RIOK1: variants seen among roughly 807,000 people sequenced by gnomAD.
RIOK1 encodes the protein RIO kinase 1.
In RIOK1, 66 loss-of-function variants were observed where a neutral mutation model predicts 73.5. The ratio of observed to expected loss-of-function variants is 0.90; its 90% CI spans 0.74 to 1.10. The LOEUF (loss-of-function observed/expected upper bound fraction) is 1.10. RIOK1 is among the 50% of genes least tolerant of loss of function. RIOK1 has a pLI of 0.00. For synonymous variants in RIOK1, 224 were observed against 226.8 expected (o/e 0.99, Z 0.11); for missense variants, 658 against 699.8 (o/e 0.94, Z 0.67).
chr6:7,414,941 G>T (rs558562566), intron 16 of RIOK1, among the ~76,000 whole-genome samples: 1 of 152,136 alleles, frequency 6.6e-6, no homozygotes, highest in African/African-American at 2.4e-5. Flanking sequence ...GTGGTCCAGC[G>T]TCTTCACACT....
intron 3 of RIOK1, among the ~76,000 whole-genome samples, chr6:7,396,172 C>T (rs182634829): frequency 1.3e-5 from 2 of 152,246 alleles, no homozygotes; most frequent in Non-Finnish European, 2.9e-5. Context: ...ATCATCATCT[C>T]ATAGAAAATG....
At position 7,401,012 on chromosome 6, in the gene RIOK1, A is replaced by T. The variant is rs1273234750; in HGVS notation, c.535A>T (p.Ile179Leu). Reference sequence around the variant, plus strand: ...ATTCAAGATGTTGACTAGAGGAATCATAACAGAGATAAATGGCTGCATTAG... The same window carrying T: ...ATTCAAGATGTTGACTAGAGGAATCTTAACAGAGATAAATGGCTGCATTAG... Reference protein sequence around the residue: ...ILFKMLTRGIITEINGCISTG... With the variant: ...ILFKMLTRGILTEINGCISTG... Residue 179 changes from isoleucine (I) to leucine (L), a missense_variant, in exon 6 of 17, where the codon ATA (isoleucine) becomes TTA (leucine). Transcript: ENST00000379834. 1.2e-6 allele frequency: 2 copies of T among 1,610,862 alleles called. No homozygotes were observed. Among genetic ancestry groups the T allele is most frequent in the Admixed American group, 3.3e-5 (2 of 59,822 alleles).
intron 16 of RIOK1, 69 bp from the exon 17 acceptor site, chr6:7,417,261 AC>A (rs1762029619): frequency 2.8e-6 from 3 of 1,062,816 alleles, no homozygotes; most frequent in Non-Finnish European, 1.4e-6. Flanking sequence ...AAAACAAAAA[AC>A]AAAAAACAAA....
At chr6:7,413,472 A>C (rs1581724254) in intron 15 of RIOK1, among the ~76,000 whole-genome samples, 1 of 152,364 alleles carries the variant, frequency 6.6e-6, no homozygotes, top group Non-Finnish European at 1.5e-5. Flanking sequence ...TCATAAAAGC[A>C]GTCTTTATTT....
chr6:7,413,542 A>G (rs1469947175), intron 15 of RIOK1, among the ~76,000 whole-genome samples: 1 of 152,230 alleles, frequency 6.6e-6, no homozygotes, highest in Non-Finnish European at 1.5e-5. Context: ...TCTTAAAATC[A>G]TGTCTTTTCT....
At chr6:7,398,762 A>G (rs1761541720) in intron 5 of RIOK1, 22 bp downstream of exon 5, 6 of 1,589,636 alleles carry the variant, frequency 3.8e-6, no homozygotes, top group Non-Finnish European at 5.2e-6. Flanking sequence ...ATGTGTTGCA[A>G]ACTCTTCTTT....
chr6:7,406,799 T>C (rs1040731523), intron 12 of RIOK1, among the ~76,000 whole-genome samples: 1 of 152,140 alleles, frequency 6.6e-6, no homozygotes, highest in Admixed American at 6.5e-5. Flanking sequence ...TAGCTGGGAC[T>C]ACAGGTGCGA....
intron 16 of RIOK1, among the ~76,000 whole-genome samples, chr6:7,417,009 C>G (rs899093842): frequency 6.6e-6 from 1 of 151,786 alleles, no homozygotes; most frequent in Non-Finnish European, 1.5e-5. Context: ...TTTGGGAGAT[C>G]AAGGTGGGTG....
At chr6:7,404,078 GTTCT>G in intron 9 of RIOK1, 51 bp downstream of exon 9, 2 of 1,226,156 alleles carry the variant, frequency 1.6e-6, no homozygotes, top group Admixed American at 1.7e-5. Flanking sequence ...GTATTTTTAA[GTTCT>G]TTGAGTTTAT....
Position 7,391,133 on chromosome 6 carries a change from T to C in RIOK1, c.71+1060T>C, listed in dbSNP as rs371753520. ...AATTCCAAGAAAACAGCTTGTACTT[T>C]ATGTTTACAGTAAGGATTCATCACA... On this transcript the variant is annotated intron_variant, in intron 1 of 16. Coordinates refer to ENST00000379834, the MANE Select transcript of RIOK1 (RefSeq NM_031480.3). Among the ~76,000 whole-genome samples, 3 of 152,192 alleles carry C rather than the reference T, an allele frequency of 2.0e-5. No individual in the cohort carries two copies. In the East Asian group the frequency reaches 5.8e-4, roughly 29 times the overall value.
intron 1 of RIOK1, among the ~76,000 whole-genome samples, chr6:7,391,464 C>A (rs1342182186): frequency 6.6e-6 from 1 of 152,100 alleles, no homozygotes; most frequent in Admixed American, 6.5e-5. Context: ...AAGGGCATTC[C>A]AGTTTTATGG....
chr6:7,402,883 G>A lies in RIOK1; in HGVS notation c.753G>A (p.Met251Ile). Reference sequence around the variant, plus strand: ...TGAAAACTTGGGCAGAAAAAGAAATGAGGAACTTAATCAGGTGACTGTCTG... The same window carrying A: ...TGAAAACTTGGGCAGAAAAAGAAATAAGGAACTTAATCAGGTGACTGTCTG... ...KMVKTWAEKE[M>I]RNLIRLNTAE... Residue 251 changes from methionine (M) to isoleucine (I), a missense_variant, in exon 8 of 17, where the codon ATG (methionine) becomes ATA (isoleucine). Met to Ile is a conservative substitution (Grantham distance 10). Coordinates refer to ENST00000379834, the MANE Select transcript of RIOK1 (RefSeq NM_031480.3). 6.2e-7 allele frequency: 1 copy of A among 1,613,928 alleles called. No individual in the cohort carries two copies. The highest frequency in any genetic ancestry group is 8.5e-7 in the Non-Finnish European group (1 of 1,179,854).
intron 16 of RIOK1, among the ~76,000 whole-genome samples, chr6:7,415,403 A>G (rs1761975193): frequency 9.5e-6 from 1 of 105,490 alleles, no homozygotes; most frequent in South Asian, 3.6e-4. Context: ...TTCTGTCTCA[A>G]AAAAATAAAT....
intron 1 of RIOK1, among the ~76,000 whole-genome samples, chr6:7,391,035 G>A (rs1337350660): frequency 6.6e-6 from 1 of 152,120 alleles, no homozygotes; most frequent in Non-Finnish European, 1.5e-5. Flanking sequence ...GACTGGACGT[G>A]GAGTCTGGGG....
At chr6:7,390,240 C>G (rs963040024) in intron 1 of RIOK1, among the ~76,000 whole-genome samples, 167 bp downstream of exon 1, 2 of 152,218 alleles carry the variant, frequency 1.3e-5, no homozygotes, top group Non-Finnish European at 2.9e-5. Flanking sequence ...GTTTTTCTCC[C>G]AGTTCACGCG....
At chr6:7,396,682 T>C (rs1761482599) in intron 3 of RIOK1, 21 bp from the exon 4 acceptor site, 4 of 1,503,024 alleles carry the variant, frequency 2.7e-6, no homozygotes, top group South Asian at 1.2e-5. Context: ...TTGTTTACAT[T>C]GTGGGTTTCT....
intron 5 of RIOK1, 24 bp downstream of exon 5, chr6:7,398,764 CT>C: frequency 6.3e-7 from 1 of 1,583,612 alleles, no homozygotes; most frequent in South Asian, 1.1e-5. Flanking sequence ...GTGTTGCAAA[CT>C]CTTCTTTTTA....
At chr6:7,417,256 AAAAAACAAAAAAC>A (rs1762029433) in intron 16 of RIOK1, 62 bp from the exon 17 acceptor site, 24 of 1,005,868 alleles carry the variant, frequency 2.4e-5, no homozygotes, top group African/African-American at 2.1e-4. Context: ...TCTAAAAAAC[AAAAAACAAAAAAC>A]AAAAACAAAA....
rs1314079622 is a variant in RIOK1, at chr6:7,404,838, T to C, written c.993-80T>C. ...TGATTTTGTGAGCTACTTCCCTTGCTTTTAAGAGTAGAATTTATTTTAAAC... is the reference window on the plus strand; with the variant it reads ...TGATTTTGTGAGCTACTTCCCTTGCCTTTAAGAGTAGAATTTATTTTAAAC... On this transcript the variant is annotated intron_variant, in intron 10 of 16. Transcript: ENST00000379834. The C allele has an allele frequency of 7.3e-6, 9 of 1,229,398 alleles. No homozygotes were observed. The East Asian group carries it at 2.2e-4, about 30-fold the overall frequency. The allele number at this position is 1,229,398 out of a possible 1,614,324, so 76.2% of individuals were successfully genotyped here.
Sources: allele counts gnomAD v4.1 joint callset (sites outside exome capture counted in the v4.1 genomes callset), GRCh38; gene constraint gnomAD v4.1.1; transcripts MANE v1.5; gene names NCBI Gene and HGNC (gene_info 2026-07-23, HGNC 2026-07-21).